NCKAP5: variants seen among roughly 807,000 people sequenced by gnomAD.
NCKAP5 encodes the protein nck-associated protein 5.
A neutral mutation model predicts 167.0 loss-of-function variants in NCKAP5; 92 were observed. The observed-to-expected ratio is 0.55, with a 90% CI of 0.47 to 0.66. NCKAP5 has a LOEUF of 0.66. Ranked by LOEUF, NCKAP5 falls within the 30% of genes least tolerant of loss-of-function variation. The pLI is 0.00. For synonymous variants in NCKAP5, 891 were observed against 877.4 expected, an observed-to-expected ratio of 1.02 and a Z score of -0.27; for missense variants, 2,378 against 2,315.0, an observed-to-expected ratio of 1.03 and a Z score of -0.56.
At chr2:132,977,155 C>G (rs914068370) in intron 7 of NCKAP5, among the ~76,000 whole-genome samples, 4 of 152,078 alleles carry the variant, frequency 2.6e-5, no homozygotes, top group Admixed American at 6.5e-5. Context: ...ATATCACATC[C>G]CTATCACCAC....
the NCKAP5 span, among the ~76,000 whole-genome samples, chr2:133,612,865 T>C: frequency 8.4e-4 from 128 of 152,274 alleles, no homozygotes; most frequent in South Asian, 2.1e-3. Context: ...TTAAGCGCGG[T>C]TTGCTGAATT....
At chr2:133,565,398 A>G (rs1688475608) in intron 1 of NCKAP5, among the ~76,000 whole-genome samples, 1 of 152,256 alleles carries the variant, frequency 6.6e-6, no homozygotes, top group South Asian at 2.1e-4. Context: ...CTACATTAAG[A>G]TATCTAATCC....
the NCKAP5 span, among the ~76,000 whole-genome samples, chr2:133,650,959 G>A: frequency 6.6e-6 from 1 of 152,042 alleles, no homozygotes; most frequent in Admixed American, 6.6e-5. Context: ...AAGGTGTTGG[G>A]AAAACTGGAT....
intron 11 of NCKAP5, among the ~76,000 whole-genome samples, chr2:132,824,991 T>G (rs1166616802): frequency 6.6e-6 from 1 of 152,190 alleles, no homozygotes; most frequent in Non-Finnish European, 1.5e-5. Context: ...GTGAGTCAAC[T>G]TGAAATGTCA....
intron 19 of NCKAP5, among the ~76,000 whole-genome samples, chr2:132,679,396 G>T (rs1248549268): frequency 1.3e-5 from 2 of 152,000 alleles, no homozygotes; most frequent in Non-Finnish European, 2.9e-5. Flanking sequence ...GAGACTCCAG[G>T]AGGGTTACCC....
At chr2:133,515,880 C>A (rs1683944529) in intron 3 of NCKAP5, among the ~76,000 whole-genome samples, 1 of 152,228 alleles carries the variant, frequency 6.6e-6, no homozygotes, top group Non-Finnish European at 1.5e-5. Flanking sequence ...ATTCCCACAA[C>A]AAAATTCTGC....
rs141366609 is a variant in NCKAP5, at chr2:133,107,893, G to A, written c.341+22085C>T. On this transcript the variant is annotated intron_variant, in intron 6 of 19. Coordinates refer to ENST00000409261, the MANE Select transcript of NCKAP5 (RefSeq NM_207363.3). The stretch of plus-strand genomic sequence containing the variant: ...ATCTAGTCCATCTCACTGACCCTAG[G>A]CAATAATAAGATTTAACCACTCTTG... 7.8e-4 allele frequency among the ~76,000 whole-genome samples: 118 copies of A among 152,214 alleles called. 3 individuals are homozygous for A. In the East Asian group the frequency reaches 0.021, roughly 27 times the overall value.
intron 4 of NCKAP5, among the ~76,000 whole-genome samples, chr2:133,226,145 T>G (rs2086879220): frequency 6.6e-6 from 1 of 152,026 alleles, no homozygotes; most frequent in Admixed American, 6.6e-5. Flanking sequence ...CTTGCTCTGT[T>G]GCCCAGGCTG....
At chr2:132,992,739 G>A (rs1200946965) in intron 7 of NCKAP5, among the ~76,000 whole-genome samples, 1 of 152,106 alleles carries the variant, frequency 6.6e-6, no homozygotes, top group African/African-American at 2.4e-5. Context: ...CATTCCCTTT[G>A]TCAAGACCAC....
intron 19 of NCKAP5, among the ~76,000 whole-genome samples, chr2:132,712,703 C>T (rs1487061965): frequency 1.3e-5 from 2 of 152,144 alleles, no homozygotes; most frequent in Admixed American, 1.3e-4. Flanking sequence ...TCTCAGCAGT[C>T]ACAGTCCATT....
In NCKAP5 at chr2:133,289,639, C is replaced by T. The variant is rs561482893; in HGVS notation, c.143+13398G>A. 9.2e-4 allele frequency among the ~76,000 whole-genome samples: 139 copies of T among 151,486 alleles called. 1 individual carries two copies. Among genetic ancestry groups the T allele is most frequent in the African/African-American group, 3.0e-3 (123 of 41,246 alleles). ...CCAGGAGGTGAAGGTTGCAGTGGGCCGAGATCGTGCCACTACACTCCAGCC... is the reference window on the plus strand; with the variant it reads ...CCAGGAGGTGAAGGTTGCAGTGGGCTGAGATCGTGCCACTACACTCCAGCC... On this transcript the variant is annotated intron_variant, in intron 4 of 19. Transcript: ENST00000409261.
intron 3 of NCKAP5, among the ~76,000 whole-genome samples, chr2:133,468,981 C>G (rs1488731886): frequency 6.6e-6 from 1 of 152,058 alleles, no homozygotes; most frequent in Non-Finnish European, 1.5e-5. Context: ...CAGTCTGTGT[C>G]TTTTAATTGG....
At chr2:132,827,449 G>C (rs1331430297) in intron 11 of NCKAP5, among the ~76,000 whole-genome samples, 1 of 152,118 alleles carries the variant, frequency 6.6e-6, no homozygotes, top group African/African-American at 2.4e-5. Flanking sequence ...GGGGTACATA[G>C]TGATGCTGTT....
chr2:133,556,157 G>A (rs760401579), intron 2 of NCKAP5, among the ~76,000 whole-genome samples: 9 of 152,062 alleles, frequency 5.9e-5, no homozygotes, highest in Non-Finnish European at 8.8e-5. Flanking sequence ...TAGGGTGCTG[G>A]CAATATTTCT....
intron 5 of NCKAP5, among the ~76,000 whole-genome samples, chr2:133,200,923 C>T (rs1418257696): frequency 6.6e-6 from 1 of 152,130 alleles, no homozygotes; most frequent in African/African-American, 2.4e-5. Flanking sequence ...GAATATGTTC[C>T]AGGACCCTGA....
At chr2:132,722,246 C>G (rs574721043) in intron 19 of NCKAP5, among the ~76,000 whole-genome samples, 13 of 152,290 alleles carry the variant, frequency 8.5e-5, no homozygotes, top group Admixed American at 4.6e-4. Flanking sequence ...TGTTTTAAAT[C>G]TTGTCTCCTT....
the NCKAP5 span, among the ~76,000 whole-genome samples, chr2:133,637,526 T>A: frequency 8.8e-6 from 1 of 113,312 alleles, no homozygotes; most frequent in Non-Finnish European, 1.7e-5. Flanking sequence ...AGAAGCAATC[T>A]TGAAAAAGAA....
chr2:133,409,504 G>T (rs757153115), intron 3 of NCKAP5, among the ~76,000 whole-genome samples: 1 of 152,164 alleles, frequency 6.6e-6, no homozygotes, highest in African/African-American at 2.4e-5. Context: ...GGATTCTTAA[G>T]CCCTGTTCAG....
At chr2:132,914,688 AG>A (rs1348809578) in intron 8 of NCKAP5, among the ~76,000 whole-genome samples, 1 of 152,040 alleles carries the variant, frequency 6.6e-6, no homozygotes, top group African/African-American at 2.4e-5. Flanking sequence ...TGACCACTGA[AG>A]GTACTCAGCA....
Sources: gnomAD v4.1 joint callset for allele counts (sites outside exome capture counted in the v4.1 genomes callset) on GRCh38, gnomAD v4.1.1 for gene constraint, MANE v1.5 for transcripts, NCBI Gene and HGNC (gene_info 2026-07-23, HGNC 2026-07-21) for gene names.